GLB1L2: variants seen among roughly 807,000 people sequenced by gnomAD.
GLB1L2 encodes the protein beta-galactosidase-1-like protein 2.
In GLB1L2, 68 loss-of-function variants were observed where a neutral mutation model predicts 84.1. The ratio of observed to expected loss-of-function variants is 0.81; its 90% CI spans 0.67 to 0.99. The LOEUF (loss-of-function observed/expected upper bound fraction) is 0.99, where lower values mean the gene tolerates loss of function less well. Ranked by LOEUF, GLB1L2 falls within the 50% of genes least tolerant of loss-of-function variation. GLB1L2 has a pLI of 0.00. For synonymous variants in GLB1L2, 290 were observed against 318.0 expected (o/e 0.91, Z 0.94); for missense variants, 762 against 805.6 (o/e 0.95, Z 0.66).
rs145681831 is a variant in GLB1L2, at chr11:134,334,479, G to A, written c.86+2332G>A. Reference sequence around the variant, plus strand: ...ATTTTTATTTTTATTTTTTTTAAGCGTAAACAGTGGTCTTTCTTAAAAATT... The same window carrying A: ...ATTTTTATTTTTATTTTTTTTAAGCATAAACAGTGGTCTTTCTTAAAAATT... On this transcript the variant is annotated intron_variant, in intron 1 of 18. Coordinates refer to ENST00000535456, the MANE Select transcript of GLB1L2 (RefSeq NM_001370461.1). The surrounding 1 kb of genome is among the most constrained non-coding windows in gnomAD (Gnocchi z 4.1). 3.6e-3 allele frequency among the ~76,000 whole-genome samples: 553 copies of A among 152,002 alleles called. 2 individuals are homozygous for A. The highest frequency in any genetic ancestry group is 0.017 in the Middle Eastern group (5 of 294).
chr11:134,367,415 A>G lies in GLB1L2; in HGVS notation c.889+74A>G, dbSNP rs1392923920. 5 of 1,297,866 alleles carry G rather than the reference A, an allele frequency of 3.9e-6. No homozygotes were observed. In the East Asian group the frequency reaches 9.4e-5, roughly 25 times the overall value. The allele number at this position is 1,297,866 out of a possible 1,614,324, so 80.4% of individuals were successfully genotyped here. The stretch of plus-strand genomic sequence containing the variant: ...GAGGATGAGTTTCAGTCACCTGCTA[A>G]CTAATGTAAGCCATAGGGGGTGCAA... On this transcript the variant is annotated intron_variant, in intron 9 of 18. Coordinates refer to ENST00000535456, the MANE Select transcript of GLB1L2 (RefSeq NM_001370461.1).
chr11:134,358,422 G>A (rs111878456), intron 6 of GLB1L2, among the ~76,000 whole-genome samples: 4 of 152,384 alleles, frequency 2.6e-5, no homozygotes, highest in African/African-American at 4.8e-5. Flanking sequence ...ACTGCTCTGC[G>A]GATGTCAGGG....
At position 134,332,133 on chromosome 11, in the gene GLB1L2, C is replaced by A; in HGVS notation, c.72C>A (p.Phe24Leu). The A allele has an allele frequency of 6.3e-7, 1 of 1,580,126 alleles. No homozygotes were observed. The highest frequency in any genetic ancestry group is 2.4e-5 in the East Asian group (1 of 42,448). Reference sequence around the variant, plus strand: ...TCCTGCTGCTGGTCGTCTTGGGCTTCCTGGTGCTCCGCAGGTGAGAGAGAG... The same window carrying A: ...TCCTGCTGCTGGTCGTCTTGGGCTTACTGGTGCTCCGCAGGTGAGAGAGAG... The part of the protein sequence containing the change: ...LGLLLLVVLG[F>L]LVLRRLDWST... The change falls in exon 1 of 19, where the codon TTC becomes TTA. Residue 24 changes from phenylalanine (F) to leucine (L), a missense_variant. By Grantham distance (22) the Phe-to-Leu change is conservative. Around this residue, in one of 3 missense-constraint regions of GLB1L2, gnomAD observed 100 missense variants for 88.8 expected, o/e 1.13. Coordinates refer to ENST00000535456, the MANE Select transcript of GLB1L2 (RefSeq NM_001370461.1).
At chr11:134,374,441 T>G (rs1943998345) in intron 17 of GLB1L2, among the ~76,000 whole-genome samples, 161 bp from the exon 18 acceptor site, 1 of 152,098 alleles carries the variant, frequency 6.6e-6, no homozygotes, top group South Asian at 2.1e-4. Flanking sequence ...CCTCATGCAC[T>G]AGGGGGACAG....
In GLB1L2 at chr11:134,345,136, G is replaced by T; in HGVS notation, c.449+7G>T. On this transcript the variant is annotated splice_region_variant and intron_variant, in intron 4 of 18. Coordinates refer to ENST00000535456, the MANE Select transcript of GLB1L2 (RefSeq NM_001370461.1). ...ACCTCGGGGGCTTGCCCAGGTAAGC[G>T]GGGTTGTGAAGGGTCCTGTGTGCTG... 2 of 1,606,644 alleles carry T rather than the reference G, an allele frequency of 1.2e-6. No homozygotes were observed. Among genetic ancestry groups the T allele is most frequent in the Non-Finnish European group, 1.7e-6 (2 of 1,175,524 alleles).
At chr11:134,358,692 C>T (rs889401255) in intron 6 of GLB1L2, among the ~76,000 whole-genome samples, 2 of 152,274 alleles carry the variant, frequency 1.3e-5, no homozygotes, top group Non-Finnish European at 2.9e-5. Flanking sequence ...GAGGCCTGAC[C>T]TACTCGCTGG....
chr11:134,370,909 A>C lies in GLB1L2; in HGVS notation c.1216-99A>C, dbSNP rs61908682. The stretch of plus-strand genomic sequence containing the variant: ...AAGTCAAAGTAGAAAACACCCACCA[A>C]ACCTCCGCTTCCACCCCATGTGCCA... On this transcript the variant is annotated intron_variant, in intron 12 of 18. Transcript: ENST00000535456. The surrounding 1 kb of genome is among the most constrained non-coding windows in gnomAD (Gnocchi z 4.7). 144,352 of 1,373,946 alleles carry C rather than the reference A, an allele frequency of 0.11. 8,630 individuals are homozygous for C. Among genetic ancestry groups the C allele is most frequent in the Non-Finnish European group, 0.12 (121,173 of 992,180 alleles). The allele number at this position is 1,373,946 out of a possible 1,614,324, so 85.1% of individuals were successfully genotyped here. A position where few individuals can be genotyped will look rare whatever the true frequency, so the allele number is the denominator to read the frequency against.
At chr11:134,357,677 G>A (rs1332842543) in intron 6 of GLB1L2, among the ~76,000 whole-genome samples, 2 of 152,234 alleles carry the variant, frequency 1.3e-5, no homozygotes, top group South Asian at 2.1e-4. Flanking sequence ...CCCTGGTGTC[G>A]GGGCGGAGGC....
At chr11:134,351,654 T>G (rs1317403945) in intron 5 of GLB1L2, among the ~76,000 whole-genome samples, 1 of 152,194 alleles carries the variant, frequency 6.6e-6, no homozygotes, top group African/African-American at 2.4e-5. Flanking sequence ...CTACATTGAT[T>G]GCTTTTCACA....
chr11:134,356,414 T>C, intron 6 of GLB1L2, 21 bp downstream of exon 6: 1 of 1,540,492 alleles, frequency 6.5e-7, no homozygotes, highest in African/African-American at 1.4e-5. Context: ...TCTTAGTGCG[T>C]TTCTTTAGAT....
rs116945585 is a variant in GLB1L2, at chr11:134,347,752, A to C, written c.558+319A>C. ...CATCCACTGGCATCTCCATGGTTCC[A>C]CAGAGACAGGGATGAGGTGATAGCC... is the stretch of plus-strand genomic sequence containing the variant. On this transcript the variant is annotated intron_variant, in intron 5 of 18. Coordinates refer to ENST00000535456, the MANE Select transcript of GLB1L2 (RefSeq NM_001370461.1). Among the ~76,000 whole-genome samples the C allele has an allele frequency of 6.2e-4, 94 of 152,228 alleles. 2 individuals are homozygous for C. In the East Asian group the frequency reaches 0.017, roughly 28 times the overall value.
At chr11:134,357,849 T>C (rs930490654) in intron 6 of GLB1L2, among the ~76,000 whole-genome samples, 1 of 152,206 alleles carries the variant, frequency 6.6e-6, no homozygotes, top group African/African-American at 2.4e-5. Context: ...TCTCTGGTGC[T>C]CAGGCGGGAG....
At position 134,338,536 on chromosome 11, in the gene GLB1L2, GCCTGCTGGGGCCTGC is replaced by G. The variant is rs1303048003; in HGVS notation, c.87-4213_87-4199del. Among the ~76,000 whole-genome samples, 1 of 152,126 alleles carries G rather than the reference GCCTGCTGGGGCCTGC, an allele frequency of 6.6e-6. No homozygotes were observed. Among genetic ancestry groups the G allele is most frequent in the Non-Finnish European group, 1.5e-5 (1 of 68,016 alleles). On this transcript the variant is annotated intron_variant, in intron 1 of 18. Coordinates refer to ENST00000535456, the MANE Select transcript of GLB1L2 (RefSeq NM_001370461.1). This position sits in a 1 kb window ranked among gnomAD's most constrained non-coding sequence, Gnocchi z 6.2. Reference sequence around the variant, plus strand: ...CTTTTTACTACACCTGGAATCTCCTGCCTGCTGGGGCCTGCCCTGTACCCTTCATCCTCAGGACCC... The same window carrying G: ...CTTTTTACTACACCTGGAATCTCCTGCCTGTACCCTTCATCCTCAGGACCC...
At chr11:134,349,206 T>C (rs941648741) in intron 5 of GLB1L2, among the ~76,000 whole-genome samples, 2 of 152,226 alleles carry the variant, frequency 1.3e-5, no homozygotes, top group African/African-American at 4.8e-5. Context: ...CACATAGTAT[T>C]GTGACTGGAT....
intron 1 of GLB1L2, among the ~76,000 whole-genome samples, chr11:134,341,309 G>T (rs1331909055): frequency 1.3e-5 from 2 of 152,184 alleles, no homozygotes; most frequent in Non-Finnish European, 2.9e-5. Flanking sequence ...TTTCTGAGCA[G>T]TTGGGAGAGG....
At chr11:134,354,158 T>C (rs1943672272) in intron 5 of GLB1L2, among the ~76,000 whole-genome samples, 1 of 152,168 alleles carries the variant, frequency 6.6e-6, no homozygotes, top group Admixed American at 6.5e-5. Flanking sequence ...GATTTTTTTA[T>C]AGTGACACTT....
rs774023213 is a variant in GLB1L2 at position 134,371,481 on chromosome 11, C to T, written c.1417C>T (p.Pro473Ser). 4 of 1,586,178 alleles carry T rather than the reference C, an allele frequency of 2.5e-6. No homozygotes were observed. Among genetic ancestry groups the T allele is most frequent in the South Asian group, 1.1e-5 (1 of 90,490 alleles). Reference sequence around the variant, plus strand: ...CTACAAGACAACGAAGATTGCTGTCCCCCTGATCCAGGTTCGTTGTTTTTG... The same window carrying T: ...CTACAAGACAACGAAGATTGCTGTCTCCCTGATCCAGGTTCGTTGTTTTTG... Reference protein sequence around the residue: ...LDYKTTKIAVPLIQGYTVLRI... With the variant: ...LDYKTTKIAVSLIQGYTVLRI... The change falls in exon 14 of 19, where the codon CCC becomes TCC. Residue 473 changes from proline to serine, a missense_variant. Around this residue, in one of 3 missense-constraint regions of GLB1L2, gnomAD observed 603 missense variants for 611.7 expected, o/e 0.99. Transcript: ENST00000535456.
intron 15 of GLB1L2, among the ~76,000 whole-genome samples, chr11:134,372,130 G>A (rs112884827): frequency 4.6e-5 from 7 of 152,270 alleles, no homozygotes; most frequent in East Asian, 1.9e-4. Flanking sequence ...TGTCTGCTTG[G>A]GGGGGCGGCA....
At chr11:134,340,823 T>C (rs1307745847) in intron 1 of GLB1L2, among the ~76,000 whole-genome samples, 1 of 152,264 alleles carries the variant, frequency 6.6e-6, no homozygotes, top group Non-Finnish European at 1.5e-5. Context: ...TAATTTTTTA[T>C]GTGTCCCAAA....
Sources: allele counts gnomAD v4.1 joint callset (sites outside exome capture counted in the v4.1 genomes callset), GRCh38; gene constraint gnomAD v4.1.1; regional missense constraint gnomAD v4.1.1; non-coding constraint Gnocchi (gnomAD v3.1); transcripts MANE v1.5; gene names NCBI Gene and HGNC (gene_info 2026-07-23, HGNC 2026-07-21).